The following ANKS1B variants were observed in gnomAD, a reference collection of about 807,000 sequenced individuals.
ANKS1B encodes ankyrin repeat and sterile alpha motif domain containing 1B.
Under a neutral mutation model 148.3 loss-of-function variants are expected in ANKS1B, and 36 were observed. The ratio of observed to expected loss-of-function variants is 0.24; its 90% CI spans 0.19 to 0.32. ANKS1B has a LOEUF of 0.32. Ranked by LOEUF, ANKS1B falls within the 10% of genes least tolerant of loss-of-function variation. The probability of loss-of-function intolerance (pLI) is 1.00; values close to 1 mark genes in which losing one functional copy is unlikely to be tolerated. For missense variants in ANKS1B, 1,157 were observed against 1,542.6 expected (o/e 0.75, Z 4.19); for synonymous variants, 542 against 560.8 (o/e 0.97, Z 0.47).
intron 11 of ANKS1B, among the ~76,000 whole-genome samples, chr12:99,442,908 C>T (rs2095573551): frequency 6.6e-6 from 1 of 151,790 alleles, no homozygotes; most frequent in South Asian, 2.1e-4. Context: ...TTTATGAGGC[C>T]CATTCAGAAC....
intron 9 of ANKS1B, among the ~76,000 whole-genome samples, chr12:99,579,579 C>G (rs1269442948): frequency 6.6e-6 from 1 of 152,024 alleles, no homozygotes; most frequent in Non-Finnish European, 1.5e-5. Context: ...ATACATGTAG[C>G]CAACAATCAC....
At chr12:99,965,534 T>C (rs1603522790) in intron 1 of ANKS1B, among the ~76,000 whole-genome samples, 1 of 152,292 alleles carries the variant, frequency 6.6e-6, no homozygotes, top group East Asian at 1.9e-4. Context: ...GTGATTAAAA[T>C]GAACATTATC....
intron 15 of ANKS1B, chr12:99,099,893 C>T (rs2057451886): frequency 6.6e-6 from 1 of 152,180 alleles, no homozygotes; most frequent in South Asian, 2.1e-4. Flanking sequence ...ACTCTTTCCC[C>T]TGCCTTTTGA....
chr12:98,868,913 G>T (rs563771832), intron 17 of ANKS1B, among the ~76,000 whole-genome samples: 13 of 152,314 alleles, frequency 8.5e-5, no homozygotes, highest in Non-Finnish European at 5.9e-5. Flanking sequence ...TTGATGTACT[G>T]TTCTCATCTA....
chr12:99,333,862 T>TG (rs1270028744), intron 12 of ANKS1B, among the ~76,000 whole-genome samples: 13 of 149,334 alleles, frequency 8.7e-5, no homozygotes, highest in East Asian at 5.8e-4. Context: ...CAGTTTTTTT[T>TG]TTTTTTTTTT....
At chr12:98,922,489 C>T (rs2099802751) in intron 17 of ANKS1B, among the ~76,000 whole-genome samples, 1 of 152,054 alleles carries the variant, frequency 6.6e-6, no homozygotes, top group Admixed American at 6.6e-5. Flanking sequence ...TTCTTAAGGT[C>T]TTATTATTAT....
chr12:98,794,859 C>T, intron 22 of ANKS1B: 1 of 1,603,772 alleles, frequency 6.2e-7, no homozygotes, highest in Non-Finnish European at 8.5e-7. Context: ...TCAAAGAAGT[C>T]AAGCAAAACA....
At chr12:99,713,910 C>A (rs1323011912) in intron 8 of ANKS1B, among the ~76,000 whole-genome samples, 3 of 152,214 alleles carry the variant, frequency 2.0e-5, no homozygotes, top group Non-Finnish European at 4.4e-5. Context: ...ACTTCCAAAT[C>A]TATGTTAGCT....
intron 12 of ANKS1B, among the ~76,000 whole-genome samples, chr12:99,274,627 C>T (rs1479734338): frequency 1.3e-5 from 2 of 152,164 alleles, no homozygotes; most frequent in East Asian, 3.8e-4. Flanking sequence ...CTTTCACTAA[C>T]ACTTTTTCAA....
chr12:99,103,913 C>G (rs2058576381), intron 15 of ANKS1B, among the ~76,000 whole-genome samples: 1 of 152,178 alleles, frequency 6.6e-6, no homozygotes, highest in Non-Finnish European at 1.5e-5. Context: ...TTACTATATA[C>G]TTGCTAGCAA....
At chr12:99,238,155 T>G (rs1436890332) in intron 14 of ANKS1B, among the ~76,000 whole-genome samples, 1 of 152,226 alleles carries the variant, frequency 6.6e-6, no homozygotes, top group Non-Finnish European at 1.5e-5. Flanking sequence ...CAAGGGAAAC[T>G]GTGACAGACT....
chr12:99,277,969 G>A (rs2077894924), intron 12 of ANKS1B, among the ~76,000 whole-genome samples: 1 of 152,188 alleles, frequency 6.6e-6, no homozygotes, highest in Non-Finnish European at 1.5e-5. Context: ...TGATTTGTGA[G>A]CAAACTGATG....
chr12:99,175,461 A>C (rs1260054017), intron 14 of ANKS1B, among the ~76,000 whole-genome samples: 1 of 152,256 alleles, frequency 6.6e-6, no homozygotes, highest in African/African-American at 2.4e-5. Context: ...TATTTTAAAT[A>C]ATTTTGTGCA....
intron 8 of ANKS1B, among the ~76,000 whole-genome samples, chr12:99,690,950 G>A (rs147502492): frequency 1.3e-5 from 2 of 151,994 alleles, no homozygotes; most frequent in East Asian, 3.9e-4. Context: ...GCAAACTTCT[G>A]CATGGACATC....
At chr12:99,183,567 C>A (rs1427280524) in intron 14 of ANKS1B, among the ~76,000 whole-genome samples, 5 of 152,132 alleles carry the variant, frequency 3.3e-5, no homozygotes, top group Non-Finnish European at 5.9e-5. Context: ...CTCTTGAAAC[C>A]AGAAGGCGGA....
At chr12:99,704,936 A>T (rs2055491797) in intron 8 of ANKS1B, among the ~76,000 whole-genome samples, 1 of 152,078 alleles carries the variant, frequency 6.6e-6, no homozygotes, top group Admixed American at 6.6e-5. Context: ...CAAGCAGAAC[A>T]AGAAAGGAAA....
chr12:99,159,852 T>C (rs2076462587), intron 14 of ANKS1B, among the ~76,000 whole-genome samples: 1 of 152,200 alleles, frequency 6.6e-6, no homozygotes, highest in African/African-American at 2.4e-5. Flanking sequence ...ATCAACAGTG[T>C]ATAAGTGTCC....
chr12:99,342,369 T>C (rs1266781129), intron 12 of ANKS1B, among the ~76,000 whole-genome samples: 1 of 151,492 alleles, frequency 6.6e-6, no homozygotes, highest in Non-Finnish European at 1.5e-5. Context: ...ATAAATAGAG[T>C]ATGAGATGTC....
chr12:99,169,626 A>G (rs1195930969), intron 14 of ANKS1B, among the ~76,000 whole-genome samples: 1 of 152,202 alleles, frequency 6.6e-6, no homozygotes, highest in Non-Finnish European at 1.5e-5. Flanking sequence ...GGCCTTTTAT[A>G]TATGTTATCT....
Sources: gnomAD v4.1 joint callset for allele counts (sites outside exome capture counted in the v4.1 genomes callset) on GRCh38, gnomAD v4.1.1 for gene constraint, MANE v1.5 for transcripts, NCBI Gene and HGNC (gene_info 2026-07-23, HGNC 2026-07-21) for gene names.